The following BAZ1B variants were observed in gnomAD, a reference collection of about 807,000 sequenced individuals.
BAZ1B encodes the protein bromodomain adjacent to zinc finger domain 1B.
Under a neutral mutation model 153.8 loss-of-function variants are expected in BAZ1B, and 22 were observed. The ratio of observed to expected loss-of-function variants is 0.14; its 90% CI spans 0.10 to 0.20. BAZ1B has a LOEUF of 0.20. Ranked by LOEUF, BAZ1B falls within the 10% of genes least tolerant of loss-of-function variation. The pLI, the probability that BAZ1B is intolerant of heterozygous loss-of-function variation, is 1.00. For missense variants in BAZ1B, 1,325 were observed against 1,799.3 expected (o/e 0.74, Z 4.77); for synonymous variants, 676 against 633.4 (o/e 1.07, Z -1.01).
Position 73,477,038 on chromosome 7 carries a change from T to C in BAZ1B, c.2423A>G (p.Asn808Ser). Residue 808 changes from asparagine to serine, a missense_variant, in exon 7 of 20, where the codon AAT becomes AGT. Physicochemically the swap from Asn to Ser is conservative, Grantham distance 46 (BLOSUM62 1). Around this residue, in one of 9 missense-constraint regions of BAZ1B, gnomAD observed 431 missense variants for 563.5 expected, o/e 0.76. Transcript: ENST00000339594. This position sits in a 1 kb window ranked among gnomAD's most constrained non-coding sequence, Gnocchi z 5.6. Reference sequence around the variant, plus strand: ...GCCTAACCCATTCTCAACTTTTCCATTTTCTTTATTTTTGGCTTCCATTTC... The same window carrying C: ...GCCTAACCCATTCTCAACTTTTCCACTTTCTTTATTTTTGGCTTCCATTTC... The part of the protein sequence containing the change: ...RKEMEAKNKE[N>S]GKVENGLGKT... 1 of 1,614,192 alleles carries C rather than the reference T, an allele frequency of 6.2e-7. No individual in the cohort carries two copies. Among genetic ancestry groups the C allele is most frequent in the South Asian group, 1.1e-5 (1 of 91,084 alleles).
At chr7:73,517,580 G>C (rs1790857449) in intron 1 of BAZ1B, among the ~76,000 whole-genome samples, 1 of 152,186 alleles carries the variant, frequency 6.6e-6, no homozygotes, top group Non-Finnish European at 1.5e-5. Flanking sequence ...GAAGGATATT[G>C]AGTCAGCTGC....
chr7:73,444,929 G>A (rs1360889926), intron 16 of BAZ1B, among the ~76,000 whole-genome samples: 2 of 152,102 alleles, frequency 1.3e-5, no homozygotes, highest in South Asian at 2.1e-4. Context: ...CAGGAAAATC[G>A]CTTGAACCTG....
chr7:73,476,099 C>A (rs1788988371), intron 7 of BAZ1B, among the ~76,000 whole-genome samples: 1 of 151,948 alleles, frequency 6.6e-6, no homozygotes, highest in Non-Finnish European at 1.5e-5. Context: ...AGAGAAAATG[C>A]CTAGAATAGC....
rs1464600333 is a variant in BAZ1B, at chr7:73,458,659, G to A, written c.3432+877C>T. Among the ~76,000 whole-genome samples the A allele has an allele frequency of 5.2e-5, 7 of 133,634 alleles. No homozygotes were observed. The Admixed American group carries it at 5.6e-4, about 11-fold the overall frequency. 87.7% of individuals were successfully genotyped at this position (133,634 alleles called of 152,430 possible). A position where few individuals can be genotyped will look rare whatever the true frequency, so the allele number is the denominator to read the frequency against. The stretch of plus-strand genomic sequence containing the variant: ...CCACTACACTCCAGCCTAGGCAAGA[G>A]TGGGACTCTTTCTCCAAAAAAAAAA... On this transcript the variant is annotated intron_variant, in intron 13 of 19. Coordinates refer to ENST00000339594, the MANE Select transcript of BAZ1B (RefSeq NM_032408.4).
intron 2 of BAZ1B, 106 bp from the exon 3 acceptor site, chr7:73,508,577 C>T (rs1229636953): frequency 7.7e-7 from 1 of 1,297,356 alleles, no homozygotes. Flanking sequence ...ACATTTCAAA[C>T]ATTTATCGCT....
chr7:73,521,671 C>G (rs1554580230), intron 1 of BAZ1B, among the ~76,000 whole-genome samples, 156 bp downstream of exon 1: 1 of 151,712 alleles, frequency 6.6e-6, no homozygotes, highest in Non-Finnish European at 1.5e-5. Context: ...GATCGGCGGG[C>G]GCAGGCTGAG....
In BAZ1B at chr7:73,477,259, G is replaced by A. The variant is rs147123661; in HGVS notation, c.2202C>T (p.Thr734=). 2,977 of 1,614,154 alleles carry A rather than the reference G, an allele frequency of 1.8e-3. 8 individuals are homozygous for A. The highest frequency in any genetic ancestry group is 2.1e-3 in the Non-Finnish European group (2,458 of 1,180,034). The change falls in exon 7 of 20, where the codon ACC becomes ACT. Residue 734 remains threonine (T), a synonymous_variant. Transcript: ENST00000339594. This position sits in a 1 kb window ranked among gnomAD's most constrained non-coding sequence, Gnocchi z 5.6. ...VQDEFLEKLE[T]SEFFELTSEE... is the part of the protein sequence containing the mutation. Reference sequence around the variant, plus strand: ...CTGACGTCAGCTCAAAAAATTCAGAGGTCTCCAGCTTTTCTAGGAACTCAT... The same window carrying A: ...CTGACGTCAGCTCAAAAAATTCAGAAGTCTCCAGCTTTTCTAGGAACTCAT...
At chr7:73,442,586 A>AGCCTTGACGGCAGTGCCCCT in intron 18 of BAZ1B, 33 bp from the exon 19 acceptor site, 1 of 1,578,998 alleles carries the variant, frequency 6.3e-7, no homozygotes, top group Non-Finnish European at 8.6e-7. Context: ...GAATCTGCAC[A>AGCCTTGACGGCAGTGCCCCT]GCCTTGACGG....
chr7:73,485,625 G>GAAAA (rs71517389), intron 6 of BAZ1B, among the ~76,000 whole-genome samples: 1 of 76,206 alleles, frequency 1.3e-5, no homozygotes, highest in Non-Finnish European at 2.9e-5. Context: ...GCCTACCTCA[G>GAAAA]AAAAAAAAAA....
chr7:73,441,226 G>A lies in BAZ1B; in HGVS notation c.*483C>T, dbSNP rs1483923416. 2.0e-5 allele frequency: 3 copies of A among 152,686 alleles called. No homozygotes were observed. The East Asian group carries it at 5.8e-4, about 29-fold the overall frequency. 9.5% of individuals were successfully genotyped at this position (152,686 alleles called of 1,614,324 possible). ...GAGCAAACACATTATCATAGAAACT[G>A]TACTGTACATGTGCTAAAGCAAGAT... On this transcript the variant is annotated 3_prime_UTR_variant, in exon 20 of 20. Coordinates refer to ENST00000339594, the MANE Select transcript of BAZ1B (RefSeq NM_032408.4).
chr7:73,474,427 A>AT (rs1788924891), intron 7 of BAZ1B, among the ~76,000 whole-genome samples: 1 of 152,244 alleles, frequency 6.6e-6, no homozygotes, highest in Non-Finnish European at 1.5e-5. Context: ...AATAGATAAA[A>AT]TGAACCTCAT....
intron 17 of BAZ1B, 57 bp downstream of exon 17, chr7:73,443,927 C>A: frequency 6.2e-7 from 1 of 1,607,000 alleles, no homozygotes; most frequent in Non-Finnish European, 8.5e-7. Context: ...TTCCTAATTG[C>A]TGGGGTAGGG....
At chr7:73,453,757 G>C (rs1014531533) in intron 13 of BAZ1B, among the ~76,000 whole-genome samples, 3 of 152,248 alleles carry the variant, frequency 2.0e-5, no homozygotes, top group Non-Finnish European at 4.4e-5. Context: ...GGCCAAGGCA[G>C]GTGGATCACT....
intron 7 of BAZ1B, among the ~76,000 whole-genome samples, chr7:73,476,442 C>A (rs1437807958): frequency 6.6e-6 from 1 of 152,008 alleles, no homozygotes. Flanking sequence ...GCTTCAAATA[C>A]CTTGTCAATC....
chr7:73,477,693 G>C lies in BAZ1B; in HGVS notation c.1768C>G (p.Leu590Val). 6.2e-7 allele frequency: 1 copy of C among 1,614,146 alleles called. No homozygotes were observed. Among genetic ancestry groups the C allele is most frequent in the Non-Finnish European group, 8.5e-7 (1 of 1,180,034 alleles). ...YEDQELTGKN[L>V]PAFRLVDTPE... is the part of the protein sequence containing the mutation. ...GTATCCACCAATCTGAATGCTGGAAGGTTTTTGCCAGTTAACTCTTGGTCC... is the reference window on the plus strand; with the variant it reads ...GTATCCACCAATCTGAATGCTGGAACGTTTTTGCCAGTTAACTCTTGGTCC... Residue 590 changes from leucine (L) to valine (V), a missense_variant, in exon 7 of 20, where the codon CTT (leucine) becomes GTT (valine). Physicochemically the swap from Leu to Val is conservative, Grantham distance 32 (BLOSUM62 1). Transcript: ENST00000339594. This position sits in a 1 kb window ranked among gnomAD's most constrained non-coding sequence, Gnocchi z 5.6.
At chr7:73,468,503 A>G (rs1788677342) in intron 9 of BAZ1B, among the ~76,000 whole-genome samples, 1 of 152,098 alleles carries the variant, frequency 6.6e-6, no homozygotes, top group South Asian at 2.1e-4. Flanking sequence ...TTATTTTTTT[A>G]ATTAAAATTT....
chr7:73,508,814 C>T (rs2116450235), intron 2 of BAZ1B, among the ~76,000 whole-genome samples: 1 of 151,224 alleles, frequency 6.6e-6, no homozygotes, highest in East Asian at 2.0e-4. Context: ...GAGATCAAGA[C>T]CATCCTGGCT....
chr7:73,466,674 T>C (rs1227275922), intron 9 of BAZ1B, among the ~76,000 whole-genome samples: 1 of 152,192 alleles, frequency 6.6e-6, no homozygotes, highest in African/African-American at 2.4e-5. Context: ...AATGACTAAA[T>C]ATCTTTATAT....
At chr7:73,479,970 C>T (rs1251274306) in intron 6 of BAZ1B, among the ~76,000 whole-genome samples, 1 of 152,046 alleles carries the variant, frequency 6.6e-6, no homozygotes, top group Non-Finnish European at 1.5e-5. Flanking sequence ...GAGATCGAGA[C>T]CATCCTGGCT....
Sources: allele counts gnomAD v4.1 joint callset (sites outside exome capture counted in the v4.1 genomes callset), GRCh38; gene constraint gnomAD v4.1.1; regional missense constraint gnomAD v4.1.1; non-coding constraint Gnocchi (gnomAD v3.1); transcripts MANE v1.5; gene names NCBI Gene and HGNC (gene_info 2026-07-23, HGNC 2026-07-21).